CELF2: variants seen among roughly 807,000 people sequenced by gnomAD.
CELF2 encodes CUG triplet repeat RNA-binding protein 2.
Under a neutral mutation model 62.6 loss-of-function variants are expected in CELF2, and 8 were observed. The ratio of observed to expected loss-of-function variants is 0.13; its 90% confidence interval spans 0.07 to 0.23. The LOEUF (loss-of-function observed/expected upper bound fraction) is 0.23. Ranked by LOEUF, CELF2 falls within the 10% of genes least tolerant of loss-of-function variation. The pLI, the probability that CELF2 is intolerant of heterozygous loss-of-function variation, is 1.00. For missense variants in CELF2, 333 were observed against 671.0 expected (o/e 0.50, Z 5.56); for synonymous variants, 258 against 250.0 (o/e 1.03, Z -0.30).
At chr10:10,484,447 G>A in the CELF2 span, among the ~76,000 whole-genome samples, 1 of 147,106 alleles carries the variant, frequency 6.8e-6, no homozygotes, top group Non-Finnish European at 1.5e-5. Flanking sequence ...CCCCCAAGGA[G>A]CTGGAACTAC....
In CELF2 at chr10:11,191,725, G is replaced by A. The variant is rs1202540423; in HGVS notation, c.272-25700G>A. On this transcript the variant is annotated intron_variant, in intron 2 of 12. Transcript: ENST00000633077. The surrounding 1 kb of genome is among the most constrained non-coding windows in gnomAD (Gnocchi z 4.1). ...CGGCAGACTGGACTTCTTCATAAGT[G>A]AAAAATAGTTACATAATGGTTATCT... is the stretch of plus-strand genomic sequence containing the variant. 6.6e-5 allele frequency among the ~76,000 whole-genome samples: 10 copies of A among 152,154 alleles called. No homozygotes were observed. Among genetic ancestry groups the A allele is most frequent in the Admixed American group, 1.3e-4 (2 of 15,282 alleles).
chr10:11,125,971 A>G (rs1005792601), intron 1 of CELF2, among the ~76,000 whole-genome samples: 2 of 152,150 alleles, frequency 1.3e-5, no homozygotes, highest in Non-Finnish European at 2.9e-5. Context: ...CACGCTTATA[A>G]TTTTTAGTGT....
the CELF2 span, among the ~76,000 whole-genome samples, chr10:10,552,853 T>C: frequency 2.8e-3 from 421 of 152,332 alleles, 4 homozygotes; most frequent in African/African-American, 9.5e-3. Context: ...GACATGTATT[T>C]CTCATTGTTC....
intron 2 of CELF2, among the ~76,000 whole-genome samples, chr10:11,182,260 G>A (rs913394606): frequency 6.6e-6 from 1 of 152,122 alleles, no homozygotes; most frequent in African/African-American, 2.4e-5. Flanking sequence ...CGGGGAGCGG[G>A]GCAGCAAACA....
intron 1 of CELF2, among the ~76,000 whole-genome samples, chr10:10,918,544 A>T (rs1564818147): frequency 1.3e-5 from 2 of 152,236 alleles, no homozygotes; most frequent in Admixed American, 6.5e-5. Flanking sequence ...GTGCTCAGGT[A>T]TTATCACAGG....
At chr10:11,167,097 A>G (rs1046236692) in intron 2 of CELF2, among the ~76,000 whole-genome samples, 1 of 152,252 alleles carries the variant, frequency 6.6e-6, no homozygotes, top group Non-Finnish European at 1.5e-5. Context: ...GAAAGATCAG[A>G]TAACTGAGAA....
chr10:10,764,519 A>C, the CELF2 span, among the ~76,000 whole-genome samples: 84 of 152,322 alleles, frequency 5.5e-4, no homozygotes, highest in African/African-American at 1.9e-3. Context: ...TCTTCTGAGA[A>C]GAGACAGAGC....
At chr10:10,829,494 C>G (rs1193383358) in intron 1 of CELF2, among the ~76,000 whole-genome samples, 1 of 152,044 alleles carries the variant, frequency 6.6e-6, no homozygotes, top group African/African-American at 2.4e-5. Flanking sequence ...GGATGACTTC[C>G]TGTAAATTTA....
Position 11,330,033 on chromosome 10 carries a change from A to G in CELF2, c.*980A>G, listed in dbSNP as rs1001614629. The G allele has an allele frequency of 2.6e-5, 4 of 152,682 alleles. No homozygotes were observed. The allele number at this position is 152,682 out of a possible 1,614,324, so 9.5% of individuals were successfully genotyped here. A position where few individuals can be genotyped will look rare whatever the true frequency, so the allele number is the denominator to read the frequency against. ...GCTAGAACCTTCTGAAGTAGTCTCT[A>G]GAGGAATTGTTCTAGGAATGGGCTT... On this transcript the variant is annotated 3_prime_UTR_variant, in exon 13 of 13. Coordinates refer to ENST00000633077, the MANE Select transcript of CELF2 (RefSeq NM_001326342.2). The surrounding 1 kb of genome is among the most constrained non-coding windows in gnomAD (Gnocchi z 4.5).
the CELF2 span, among the ~76,000 whole-genome samples, chr10:10,492,325 C>T: frequency 6.6e-6 from 1 of 152,178 alleles, no homozygotes; most frequent in Non-Finnish European, 1.5e-5. Flanking sequence ...ATTAGTCTGT[C>T]TCTCCAGGAT....
intron 1 of CELF2, among the ~76,000 whole-genome samples, chr10:10,856,304 G>T (rs1384897661): frequency 1.3e-5 from 2 of 152,084 alleles, no homozygotes; most frequent in African/African-American, 2.4e-5. Flanking sequence ...TTTAAAAAAA[G>T]TTGACCAGCA....
intron 2 of CELF2, among the ~76,000 whole-genome samples, chr10:11,166,329 T>TG (rs1221237182): frequency 6.6e-6 from 1 of 152,100 alleles, no homozygotes; most frequent in East Asian, 1.9e-4. Context: ...AGTGTGGAGA[T>TG]GAAGGTATAG....
the CELF2 span, among the ~76,000 whole-genome samples, chr10:10,748,695 C>T: frequency 6.9e-6 from 1 of 144,970 alleles, no homozygotes; most frequent in South Asian, 2.2e-4. Context: ...TGGCAGTGAG[C>T]CGAGGTTGTG....
At chr10:10,536,176 T>A in the CELF2 span, among the ~76,000 whole-genome samples, 1 of 151,980 alleles carries the variant, frequency 6.6e-6, no homozygotes, top group African/African-American at 2.4e-5. Context: ...CATGCCACCA[T>A]GTCTGGCTAA....
intron 9 of CELF2, among the ~76,000 whole-genome samples, chr10:11,312,811 G>A (rs556491687): frequency 4.6e-5 from 7 of 152,220 alleles, no homozygotes; most frequent in Non-Finnish European, 7.3e-5. Flanking sequence ...GCAGGCGCCT[G>A]TAGTGCCAGT....
intron 1 of CELF2, among the ~76,000 whole-genome samples, chr10:11,049,970 C>G (rs1309290919): frequency 1.3e-5 from 2 of 152,186 alleles, no homozygotes; most frequent in Non-Finnish European, 1.5e-5. Flanking sequence ...TGCTGGTTCC[C>G]CATGCCACCT....
At chr10:11,192,356 C>A (rs562574934) in intron 2 of CELF2, among the ~76,000 whole-genome samples, 24 of 152,194 alleles carry the variant, frequency 1.6e-4, no homozygotes, top group Non-Finnish European at 3.1e-4. Flanking sequence ...TTCAAGGGCA[C>A]CAGCTGTTTT....
the CELF2 span, among the ~76,000 whole-genome samples, chr10:10,651,991 G>A: frequency 1.3e-5 from 2 of 151,258 alleles, no homozygotes; most frequent in Non-Finnish European, 2.9e-5. Context: ...TTAGGAGAAT[G>A]TATAACTAGA....
chr10:11,230,796 A>G (rs949695516), intron 3 of CELF2, among the ~76,000 whole-genome samples: 5 of 152,262 alleles, frequency 3.3e-5, no homozygotes, highest in African/African-American at 4.8e-5. Context: ...TTTTCTGGCC[A>G]GAACAAGCTA....
Sources: gnomAD v4.1 joint callset for allele counts (sites outside exome capture counted in the v4.1 genomes callset) on GRCh38, gnomAD v4.1.1 for gene constraint, Gnocchi (gnomAD v3.1) non-coding constraint, MANE v1.5 for transcripts, NCBI Gene and HGNC (gene_info 2026-07-23, HGNC 2026-07-21) for gene names.